Variants in PREX2 observed in about 807,000 individuals in gnomAD.
PREX2 encodes the protein phosphatidylinositol 3,4,5-trisphosphate-dependent Rac exchanger 2 protein.
A neutral mutation model predicts 203.2 loss-of-function variants in PREX2; 107 were observed. That is an observed-to-expected ratio of 0.53 (90% CI 0.45 to 0.62). The LOEUF (loss-of-function observed/expected upper bound fraction) is 0.62, where lower values mean the gene tolerates loss of function less well. PREX2 is among the 20% of genes least tolerant of loss of function. The probability of loss-of-function intolerance (pLI) is 0.00; values close to 1 mark genes in which losing one functional copy is unlikely to be tolerated. For synonymous variants in PREX2, 672 were observed against 663.6 expected (o/e 1.01, Z -0.19); for missense variants, 1,777 against 1,955.9 (o/e 0.91, Z 1.72).
chr8:67,968,701 T>C (rs1805841990), intron 1 of PREX2, among the ~76,000 whole-genome samples: 1 of 152,194 alleles, frequency 6.6e-6, no homozygotes, highest in Admixed American at 6.5e-5. Context: ...ACTTCTCTTT[T>C]GTGCTATTTG....
chr8:67,952,580 G>A lies in PREX2; in HGVS notation c.141+45G>A, dbSNP rs370781960. 2.2e-5 allele frequency: 35 copies of A among 1,586,386 alleles called. No homozygotes were observed. In the East Asian group the frequency reaches 3.7e-4, roughly 17 times the overall value. On this transcript the variant is annotated intron_variant, in intron 1 of 39. Transcript: ENST00000288368. ...GCAGGGGGACGTCCGGGCGGCGCGG[G>A]GCGCGGGTCCCGGAGTGGCTGCGGG... is the stretch of plus-strand genomic sequence containing the variant.
chr8:67,990,075 T>A (rs571817052), intron 1 of PREX2, among the ~76,000 whole-genome samples: 1 of 152,116 alleles, frequency 6.6e-6, no homozygotes, highest in African/African-American at 2.4e-5. Flanking sequence ...ACCCTCTCCC[T>A]CCTGGGTTAA....
chr8:68,120,384 C>T, intron 29 of PREX2, 98 bp downstream of exon 29: 2 of 757,022 alleles, frequency 2.6e-6, no homozygotes, highest in Non-Finnish European at 4.6e-6. Flanking sequence ...AGGAACAATT[C>T]CAGTTACTCA....
intron 1 of PREX2, among the ~76,000 whole-genome samples, chr8:68,001,137 G>T (rs1806925134): frequency 1.3e-5 from 2 of 152,128 alleles, no homozygotes; most frequent in Non-Finnish European, 2.9e-5. Flanking sequence ...CACAGCCAAA[G>T]AAATTATCAG....
intron 34 of PREX2, among the ~76,000 whole-genome samples, chr8:68,148,677 C>A (rs1404235077): frequency 6.6e-6 from 1 of 152,176 alleles, no homozygotes; most frequent in African/African-American, 2.4e-5. Context: ...AAAGCTATAG[C>A]AAACATTAGG....
At chr8:68,080,908 T>A in intron 17 of PREX2, 70 bp downstream of exon 17, 2 of 871,552 alleles carry the variant, frequency 2.3e-6, no homozygotes, top group Non-Finnish European at 3.8e-6. Flanking sequence ...CTAAACAAAC[T>A]GAAATCTGCC....
At chr8:68,070,972 A>C (rs181039468) in intron 13 of PREX2, among the ~76,000 whole-genome samples, 1 of 152,292 alleles carries the variant, frequency 6.6e-6, no homozygotes, top group African/African-American at 2.4e-5. Flanking sequence ...TAATTCTTTC[A>C]CAGATACCCA....
chr8:68,082,986 G>A, intron 17 of PREX2: 1 of 345,724 alleles, frequency 2.9e-6, no homozygotes, highest in Non-Finnish European at 5.3e-6. Context: ...GAAGAGGGGA[G>A]TAGGATGTTA....
chr8:68,055,936 G>A lies in PREX2; in HGVS notation c.1200G>A (p.Lys400=), dbSNP rs1434775. 820,527 of 1,608,626 alleles carry A rather than the reference G, an allele frequency of 0.51. 216,388 individuals are homozygous for A. The highest frequency in any genetic ancestry group is 0.84 in the African/African-American group (62,634 of 74,578). Residue 400 remains lysine, a synonymous_variant, in exon 10 of 40, where the codon AAG becomes AAA. Coordinates refer to ENST00000288368, the MANE Select transcript of PREX2 (RefSeq NM_024870.4). The part of the protein sequence containing the change: ...CRQGNLIKDR[K]RKLTTFPKCF... ...AAGGAAATCTGATCAAAGACCGAAA[G>A]AGAAAACTGACTACGTTCCCTAAAT...
At chr8:67,978,077 C>A (rs1806159923) in intron 1 of PREX2, among the ~76,000 whole-genome samples, 1 of 152,158 alleles carries the variant, frequency 6.6e-6, no homozygotes, top group South Asian at 2.1e-4. Context: ...ATGTGATTGG[C>A]ATCTGAAGTG....
chr8:67,976,437 T>G (rs546612516), intron 1 of PREX2, among the ~76,000 whole-genome samples: 3,006 of 52,092 alleles, frequency 0.058, no homozygotes, highest in Middle Eastern at 0.071. Flanking sequence ...GAGAGAGAGA[T>G]GGGAGAGAGA....
chr8:68,115,058 G>A (rs796947865), intron 25 of PREX2, among the ~76,000 whole-genome samples: 62 of 95,156 alleles, frequency 6.5e-4, no homozygotes, highest in African/African-American at 2.4e-3. Flanking sequence ...TTGGAGTTTC[G>A]CTCTTGTTGC....
rs572869991 is a variant in PREX2, at chr8:68,151,134, G to A, written c.4231+4782G>A. Among the ~76,000 whole-genome samples, 106 of 152,124 alleles carry A rather than the reference G, an allele frequency of 7.0e-4. 1 individual carries two copies. The highest frequency in any genetic ancestry group is 1.5e-3 in the South Asian group (7 of 4,808). On this transcript the variant is annotated intron_variant, in intron 34 of 39. Transcript: ENST00000288368. ...TGCAAAAACCCTATTTCAAAATAAGGTCAGGGCTGAATGTGATGGCTCACA... is the reference window on the plus strand; with the variant it reads ...TGCAAAAACCCTATTTCAAAATAAGATCAGGGCTGAATGTGATGGCTCACA...
In PREX2 at chr8:68,236,335, C is replaced by T. The variant is rs1234441783; in HGVS notation, c.*4957C>T. 1 of 152,136 alleles carries T rather than the reference C, an allele frequency of 6.6e-6. No individual in the cohort carries two copies. The highest frequency in any genetic ancestry group is 1.5e-5 in the Non-Finnish European group (1 of 68,002). 9.4% of individuals were successfully genotyped at this position (152,136 alleles called of 1,614,324 possible). ...AATAACAGGATAAATGCTATCTGATCAAGCATTCATCCGAAAAATGTTTTT... is the reference window on the plus strand; with the variant it reads ...AATAACAGGATAAATGCTATCTGATTAAGCATTCATCCGAAAAATGTTTTT... On this transcript the variant is annotated 3_prime_UTR_variant, in exon 40 of 40. Transcript: ENST00000288368.
intron 8 of PREX2, among the ~76,000 whole-genome samples, chr8:68,044,995 T>G (rs981141015): frequency 6.6e-6 from 1 of 152,256 alleles, no homozygotes; most frequent in East Asian, 1.9e-4. Flanking sequence ...TAGATTTGTC[T>G]TAGCTATGTA....
chr8:68,121,965 G>T (rs982173279), intron 30 of PREX2, among the ~76,000 whole-genome samples: 1 of 152,130 alleles, frequency 6.6e-6, no homozygotes, highest in African/African-American at 2.4e-5. Context: ...TCATTTGTTT[G>T]TCAGTTGGTT....
chr8:68,078,347 G>T (rs1407106915), intron 15 of PREX2, among the ~76,000 whole-genome samples: 4 of 151,986 alleles, frequency 2.6e-5, no homozygotes, highest in African/African-American at 7.3e-5. Context: ...TGCTTTTCTT[G>T]GTAGAGATGG....
intron 38 of PREX2, 84 bp downstream of exon 38, chr8:68,217,802 A>G: frequency 1.0e-6 from 1 of 997,734 alleles, no homozygotes; most frequent in South Asian, 1.4e-5. Flanking sequence ...GGGGTTTGAC[A>G]GGTGCCTGGA....
At position 68,069,076 on chromosome 8, in the gene PREX2, A is replaced by G. The variant is rs1292292162; in HGVS notation, c.1383A>G (p.Arg461=). 2.5e-6 allele frequency: 4 copies of G among 1,570,368 alleles called. No homozygotes were observed. Among genetic ancestry groups the G allele is most frequent in the Non-Finnish European group, 3.4e-6 (4 of 1,161,230 alleles). Residue 461 remains arginine, a synonymous_variant, in exon 12 of 40, where the codon AGA becomes AGG. Coordinates refer to ENST00000288368, the MANE Select transcript of PREX2 (RefSeq NM_024870.4). ...TCAAACCAGAACAGATGTTATATAG[A>G]TTTCGCTATGATGATGGAACATTTT... ...HQFKPEQMLY[R]FRYDDGTFYP...
Sources: allele counts gnomAD v4.1 joint callset (sites outside exome capture counted in the v4.1 genomes callset), GRCh38; gene constraint gnomAD v4.1.1; transcripts MANE v1.5; gene names NCBI Gene and HGNC (gene_info 2026-07-23, HGNC 2026-07-21).